Variants in CTNNA3 observed in about 807,000 individuals in gnomAD.
The protein encoded by CTNNA3 is catenin alpha-3.
Under a neutral mutation model 95.7 loss-of-function variants are expected in CTNNA3, and 76 were observed. That is an observed-to-expected ratio of 0.79 (90% CI 0.66 to 0.96). The LOEUF (loss-of-function observed/expected upper bound fraction) is 0.96. CTNNA3 is among the 40% of genes least tolerant of loss of function. The pLI, the probability that CTNNA3 is intolerant of heterozygous loss-of-function variation, is 0.00. For missense variants in CTNNA3, 1,191 were observed against 1,089.8 expected (o/e 1.09, Z -1.31); for synonymous variants, 431 against 374.4 (o/e 1.15, Z -1.74).
intron 5 of CTNNA3, among the ~76,000 whole-genome samples, chr10:67,272,533 A>G (rs1362718870): frequency 1.3e-5 from 2 of 152,182 alleles, no homozygotes; most frequent in Admixed American, 6.5e-5. Context: ...AGCCTGAGCG[A>G]TAGGGTAAGA....
intron 5 of CTNNA3, among the ~76,000 whole-genome samples, chr10:67,300,214 T>C (rs1424925750): frequency 6.6e-6 from 1 of 152,132 alleles, no homozygotes; most frequent in Non-Finnish European, 1.5e-5. Flanking sequence ...ATCATTCCCA[T>C]AGATGCTTAC....
At chr10:66,722,633 G>A (rs966547661) in intron 9 of CTNNA3, among the ~76,000 whole-genome samples, 2 of 149,970 alleles carry the variant, frequency 1.3e-5, no homozygotes, top group Non-Finnish European at 2.9e-5. Flanking sequence ...CTGCATCTGT[G>A]TTCACTTTTT....
intron 16 of CTNNA3, among the ~76,000 whole-genome samples, chr10:65,981,908 C>T (rs2078327524): frequency 6.6e-6 from 1 of 151,508 alleles, no homozygotes; most frequent in Non-Finnish European, 1.5e-5. Context: ...AAGATAATAT[C>T]TGAAAAACCC....
At chr10:66,604,884 C>T in intron 10 of CTNNA3, among the ~76,000 whole-genome samples, 1 of 151,480 alleles carries the variant, frequency 6.6e-6, no homozygotes, top group Admixed American at 6.6e-5. Context: ...ACTCCAACAA[C>T]TCAAAAAGCC....
intron 4 of CTNNA3, among the ~76,000 whole-genome samples, chr10:67,528,058 C>G (rs1840203882): frequency 6.6e-6 from 1 of 152,128 alleles, no homozygotes; most frequent in Admixed American, 6.5e-5. Flanking sequence ...GGTTTGGCTC[C>G]TTCTGACTCT....
intron 9 of CTNNA3, among the ~76,000 whole-genome samples, chr10:66,640,647 G>A (rs543171860): frequency 2.8e-4 from 42 of 152,204 alleles, no homozygotes; most frequent in African/African-American, 9.9e-4. Flanking sequence ...ATAATACCCA[G>A]CAAACAGAAT....
intron 9 of CTNNA3, among the ~76,000 whole-genome samples, chr10:66,642,039 A>G (rs937529658): frequency 6.6e-6 from 1 of 152,108 alleles, no homozygotes; most frequent in Non-Finnish European, 1.5e-5. Flanking sequence ...ATAGATAAAC[A>G]GGCAGCAGAT....
At chr10:66,152,732 C>T (rs2084269877) in intron 13 of CTNNA3, among the ~76,000 whole-genome samples, 1 of 151,912 alleles carries the variant, frequency 6.6e-6, no homozygotes, top group Non-Finnish European at 1.5e-5. Flanking sequence ...ATCACCTCTT[C>T]TGGCAATGCT....
chr10:66,981,302 A>C (rs1339914487), intron 7 of CTNNA3, among the ~76,000 whole-genome samples: 1 of 152,124 alleles, frequency 6.6e-6, no homozygotes, highest in Non-Finnish European at 1.5e-5. Context: ...TTTTCTTTAC[A>C]CCTTCATCTA....
At chr10:67,742,303 C>A (rs1841344839) in intron 1 of CTNNA3, among the ~76,000 whole-genome samples, 1 of 151,330 alleles carries the variant, frequency 6.6e-6, no homozygotes, top group Non-Finnish European at 1.5e-5. Flanking sequence ...CAAACTGTCT[C>A]TCAGACCACG....
chr10:66,544,331 C>A (rs533304034), intron 10 of CTNNA3, among the ~76,000 whole-genome samples: 90 of 152,066 alleles, frequency 5.9e-4, no homozygotes, highest in Middle Eastern at 3.4e-3. Context: ...TAATGTTGAA[C>A]ACATCCTAAA....
chr10:67,590,927 A>G (rs542879169), intron 3 of CTNNA3, among the ~76,000 whole-genome samples: 1 of 152,206 alleles, frequency 6.6e-6, no homozygotes, highest in South Asian at 2.1e-4. Context: ...AGTAAAATGT[A>G]TGTCTTTTCA....
At chr10:67,063,943 C>T (rs1200758739) in intron 7 of CTNNA3, among the ~76,000 whole-genome samples, 1 of 152,172 alleles carries the variant, frequency 6.6e-6, no homozygotes. Context: ...TCTGCACACA[C>T]ACTCGTCAGC....
At chr10:67,338,584 C>T (rs968873146) in intron 5 of CTNNA3, among the ~76,000 whole-genome samples, 1 of 152,070 alleles carries the variant, frequency 6.6e-6, no homozygotes, top group Non-Finnish European at 1.5e-5. Context: ...AAAATTGTAG[C>T]TAATGGCAAT....
chr10:66,125,707 T>G (rs910776401), intron 13 of CTNNA3, among the ~76,000 whole-genome samples: 3 of 152,170 alleles, frequency 2.0e-5, no homozygotes, highest in African/African-American at 7.2e-5. Flanking sequence ...AACACCTGGA[T>G]GAACTTTAAA....
rs1268326738 is a variant in CTNNA3, at chr10:66,805,247, T to C, written c.1048-29723A>G. ...TTGCTGAGTTTGCTTTGTGTCTCTT[T>C]GCTATAATAAATCATAGCCGTGTGT... On this transcript the variant is annotated intron_variant, in intron 7 of 17. Coordinates refer to ENST00000433211, the MANE Select transcript of CTNNA3 (RefSeq NM_013266.4). Among the ~76,000 whole-genome samples the C allele has an allele frequency of 2.6e-5, 4 of 152,118 alleles. No individual in the cohort carries two copies. The East Asian group carries it at 7.7e-4, about 29-fold the overall frequency.
chr10:66,354,290 T>TAAA (rs768525764), intron 12 of CTNNA3, among the ~76,000 whole-genome samples: 3 of 114,414 alleles, frequency 2.6e-5, no homozygotes, highest in African/African-American at 9.1e-5. Flanking sequence ...ATCTCAAAAA[T>TAAA]AAAAAAAAAA....
At chr10:67,749,730 C>T (rs574626068) in intron 1 of CTNNA3, among the ~76,000 whole-genome samples, 1 of 152,242 alleles carries the variant, frequency 6.6e-6, no homozygotes, top group South Asian at 2.1e-4. Flanking sequence ...TGAATTGACA[C>T]CCTAACATCA....
At chr10:67,163,612 G>A (rs560763614) in intron 7 of CTNNA3, among the ~76,000 whole-genome samples, 13 of 152,128 alleles carry the variant, frequency 8.5e-5, no homozygotes, top group African/African-American at 3.1e-4. Context: ...ATTTCTGGAA[G>A]TTCTAATCGG....
Sources: allele counts gnomAD v4.1 joint callset (sites outside exome capture counted in the v4.1 genomes callset), GRCh38; gene constraint gnomAD v4.1.1; transcripts MANE v1.5; gene names NCBI Gene and HGNC (gene_info 2026-07-23, HGNC 2026-07-21).